Variants in DOCK3 observed in about 807,000 individuals in gnomAD.
The protein encoded by DOCK3 is dedicator of cytokinesis protein 3.
DOCK3 carries 60 observed loss-of-function variants against 265.6 expected under a neutral mutation model. The ratio of observed to expected loss-of-function variants is 0.23; its 90% CI spans 0.18 to 0.28. The LOEUF is 0.28. DOCK3 is among the 10% of genes least tolerant of loss of function. DOCK3 has a pLI of 1.00. For synonymous variants in DOCK3, 881 were observed against 938.0 expected, an observed-to-expected ratio of 0.94 and a Z score of 1.11; for missense variants, 1,981 against 2,594.3, an observed-to-expected ratio of 0.76 and a Z score of 5.14.
chr3:51,179,455 C>T (rs2087153065), intron 12 of DOCK3, among the ~76,000 whole-genome samples: 1 of 152,142 alleles, frequency 6.6e-6, no homozygotes, highest in Admixed American at 6.5e-5. Context: ...TTCGAGTAAA[C>T]TAAGAATGTT....
Position 50,830,951 on chromosome 3 carries a change from A to G in DOCK3, c.122-10724A>G, listed in dbSNP as rs529213333. On this transcript the variant is annotated intron_variant, in intron 2 of 52. Transcript: ENST00000266037. ...GGGGTAGATTATTCAAGAGTTTTCTAGGAAAGGGGTGGGCAATTCCTGGAA... is the reference window on the plus strand; with the variant it reads ...GGGGTAGATTATTCAAGAGTTTTCTGGGAAAGGGGTGGGCAATTCCTGGAA... Among the ~76,000 whole-genome samples, 18 of 152,170 alleles carry G rather than the reference A, an allele frequency of 1.2e-4. 1 individual carries two copies. The highest frequency in any genetic ancestry group is 3.6e-4 in the African/African-American group (15 of 41,550).
intron 3 of DOCK3, among the ~76,000 whole-genome samples, chr3:50,889,063 A>ATGGG (rs1428086253): frequency 2.4e-3 from 286 of 118,140 alleles, no homozygotes; most frequent in Admixed American, 8.1e-3. Context: ...TATTTAAGCC[A>ATGGG]TGGGTGTGTG....
rs1395346608 is a variant in DOCK3, at chr3:50,675,238, C to T, written c.-26C>T. 2.1e-5 allele frequency: 24 copies of T among 1,170,422 alleles called. No individual in the cohort carries two copies. The highest frequency in any genetic ancestry group is 2.5e-5 in the Non-Finnish European group (24 of 941,590). 72.5% of individuals were successfully genotyped at this position (1,170,422 alleles called of 1,614,324 possible). A position where few individuals can be genotyped will look rare whatever the true frequency, so the allele number is the denominator to read the frequency against. The stretch of plus-strand genomic sequence containing the variant: ...GCCGCGTTGTCGCCCGGTCGCCGCG[C>T]CCGCGGGGCCGCGCCCGGCACGGCC... On this transcript the variant is annotated 5_prime_UTR_variant, in exon 1 of 53. Transcript: ENST00000266037. The surrounding 1 kb of genome is among the most constrained non-coding windows in gnomAD (Gnocchi z 6.1).
chr3:50,887,228 C>T (rs1553694099), intron 3 of DOCK3, among the ~76,000 whole-genome samples: 80 of 152,044 alleles, frequency 5.3e-4, no homozygotes, highest in African/African-American at 1.2e-3. Flanking sequence ...GAGAATACTA[C>T]AAACACCTCT....
At chr3:50,992,191 G>A (rs2078131067) in intron 5 of DOCK3, among the ~76,000 whole-genome samples, 1 of 152,202 alleles carries the variant, frequency 6.6e-6, no homozygotes, top group Non-Finnish European at 1.5e-5. Context: ...AATCAGAGAA[G>A]CAAGAACAAA....
chr3:51,185,579 C>A (rs926535842), intron 12 of DOCK3, among the ~76,000 whole-genome samples: 5 of 152,166 alleles, frequency 3.3e-5, no homozygotes, highest in Non-Finnish European at 2.9e-5. Context: ...TGTCAGCTAA[C>A]TGCATGTTCT....
chr3:50,757,437 GCTGCGATTA>G, intron 1 of DOCK3, among the ~76,000 whole-genome samples: 1 of 152,130 alleles, frequency 6.6e-6, no homozygotes, highest in African/African-American at 2.4e-5. Flanking sequence ...CTCCCAAAGT[GCTGCGATTA>G]CAGGCGTGAG....
chr3:51,368,354 C>G (rs574980369), intron 49 of DOCK3, among the ~76,000 whole-genome samples: 1 of 152,290 alleles, frequency 6.6e-6, no homozygotes, highest in South Asian at 2.1e-4. Flanking sequence ...ACACTCCCAC[C>G]CTAATACTGC....
Position 51,354,737 on chromosome 3 carries a change from G to T in DOCK3, c.4108-145G>T, listed in dbSNP as rs1482250601. The T allele has an allele frequency of 8.8e-6, 11 of 1,255,782 alleles. No individual in the cohort carries two copies. In the Admixed American group the frequency reaches 2.7e-4, roughly 31 times the overall value. The allele number at this position is 1,255,782 out of a possible 1,614,324, so 77.8% of individuals were successfully genotyped here. ...CTTTGTTTTTCTTCTGCCTCCTTGA[G>T]TGCAATGCCCTGTGCCTGTCCCAGG... is the stretch of plus-strand genomic sequence containing the variant. On this transcript the variant is annotated intron_variant, in intron 40 of 52. Coordinates refer to ENST00000266037, the MANE Select transcript of DOCK3 (RefSeq NM_004947.5).
intron 1 of DOCK3, among the ~76,000 whole-genome samples, chr3:50,745,922 C>T (rs1258069043): frequency 6.6e-6 from 1 of 152,134 alleles, no homozygotes; most frequent in Non-Finnish European, 1.5e-5. Flanking sequence ...CATAGAGCTT[C>T]CTGTTCTGTC....
At chr3:51,059,595 A>G (rs1414108015) in intron 5 of DOCK3, among the ~76,000 whole-genome samples, 1 of 152,050 alleles carries the variant, frequency 6.6e-6, no homozygotes, top group Admixed American at 6.6e-5. Context: ...TCCGTAAGAG[A>G]CTGTTTTATA....
At chr3:51,074,212 A>G (rs1232162088) in intron 6 of DOCK3, among the ~76,000 whole-genome samples, 1 of 152,180 alleles carries the variant, frequency 6.6e-6, no homozygotes, top group Non-Finnish European at 1.5e-5. Flanking sequence ...AGAGTTACAG[A>G]CCCTCTCCTC....
chr3:50,961,376 TGA>T (rs1158509478), intron 5 of DOCK3, among the ~76,000 whole-genome samples: 2 of 152,156 alleles, frequency 1.3e-5, no homozygotes, highest in East Asian at 3.9e-4. Flanking sequence ...AAGAATGCAG[TGA>T]GAGGAATAGG....
intron 23 of DOCK3, among the ~76,000 whole-genome samples, chr3:51,265,368 T>C (rs932177358): frequency 6.6e-6 from 1 of 152,202 alleles, no homozygotes; most frequent in Non-Finnish European, 1.5e-5. Flanking sequence ...AGCATCATCC[T>C]GATACCAAAC....
chr3:51,356,635 G>A (rs2086383710), intron 43 of DOCK3, 142 bp downstream of exon 43: 1 of 801,172 alleles, frequency 1.2e-6, no homozygotes, highest in East Asian at 2.6e-5. Flanking sequence ...CCTGTGCTAG[G>A]ATCTTTGTGT....
intron 2 of DOCK3, among the ~76,000 whole-genome samples, chr3:50,779,425 C>T (rs527993244): frequency 6.6e-6 from 1 of 152,002 alleles, no homozygotes; most frequent in East Asian, 1.9e-4. Context: ...CTCTTGTTGC[C>T]TAGGCTGGAG....
intron 9 of DOCK3, among the ~76,000 whole-genome samples, chr3:51,117,216 A>G (rs571429664): frequency 6.6e-6 from 1 of 152,298 alleles, no homozygotes; most frequent in African/African-American, 2.4e-5. Flanking sequence ...ATCTATTTAG[A>G]TAATCATGTG....
intron 9 of DOCK3, among the ~76,000 whole-genome samples, chr3:51,139,862 A>C (rs2084968226): frequency 6.6e-6 from 1 of 152,236 alleles, no homozygotes; most frequent in African/African-American, 2.4e-5. Context: ...AACAACATGC[A>C]CAAAGGTCCT....
chr3:50,899,732 G>T (rs1381388754), intron 4 of DOCK3, among the ~76,000 whole-genome samples: 1 of 152,080 alleles, frequency 6.6e-6, no homozygotes, highest in Admixed American at 6.6e-5. Context: ...TCTTTCACTT[G>T]TGAAGCTTAG....
Sources: allele counts gnomAD v4.1 joint callset (sites outside exome capture counted in the v4.1 genomes callset), GRCh38; gene constraint gnomAD v4.1.1; non-coding constraint Gnocchi (gnomAD v3.1); transcripts MANE v1.5; gene names NCBI Gene and HGNC (gene_info 2026-07-23, HGNC 2026-07-21).